The following LDAF1 variants were observed in gnomAD, a reference collection of about 807,000 sequenced individuals.
LDAF1 encodes the protein PROMETHIN.
In LDAF1, 7 loss-of-function variants were observed where a neutral mutation model predicts 13.5. The ratio of observed to expected loss-of-function variants is 0.52; its 90% CI spans 0.29 to 0.97. LDAF1 has a LOEUF of 0.97. LDAF1 is among the 50% of genes least tolerant of loss of function. The probability of loss-of-function intolerance (pLI) is 0.07; values close to 1 mark genes in which losing one functional copy is unlikely to be tolerated. For synonymous variants in LDAF1, 69 were observed against 77.1 expected, an observed-to-expected ratio of 0.89 and a Z score of 0.55; for missense variants, 148 against 193.2, an observed-to-expected ratio of 0.77 and a Z score of 1.39.
chr16:21,163,774 C>G (rs1597533048), intron 2 of LDAF1, among the ~76,000 whole-genome samples: 2 of 152,380 alleles, frequency 1.3e-5, no homozygotes, highest in South Asian at 4.1e-4. Context: ...TTTCTTGGCA[C>G]TGACTGTATG....
At chr16:21,168,637 ATATC>A (rs2093050210) in intron 2 of LDAF1, among the ~76,000 whole-genome samples, 1 of 141,326 alleles carries the variant, frequency 7.1e-6, no homozygotes, top group Non-Finnish European at 1.5e-5. Flanking sequence ...TTAGTATAAT[ATATC>A]TAATATAATT....
At chr16:21,166,444 T>A (rs542638807) in intron 2 of LDAF1, among the ~76,000 whole-genome samples, 1 of 152,248 alleles carries the variant, frequency 6.6e-6, no homozygotes, top group African/African-American at 2.4e-5. Context: ...CTTTAAAATT[T>A]AAATTAAATT....
At chr16:21,177,689 G>A (rs2093151915) in intron 4 of LDAF1, among the ~76,000 whole-genome samples, 1 of 144,592 alleles carries the variant, frequency 6.9e-6, no homozygotes, top group African/African-American at 2.6e-5. Context: ...CTTGATCTTG[G>A]TTCACACAAC....
Position 21,161,125 on chromosome 16 carries a change from A to G in LDAF1, c.-58A>G. 1.2e-6 allele frequency: 2 copies of G among 1,604,922 alleles called. No homozygotes were observed. Among genetic ancestry groups the G allele is most frequent in the Non-Finnish European group, 1.7e-6 (2 of 1,176,532 alleles). ...CATGAGAGATTGGACCGCGGGCTGC[A>G]CTGGAGAATTTACTGGTAGGATAAT... On this transcript the variant is annotated 5_prime_UTR_variant, in exon 2 of 5. Transcript: ENST00000233047.
At chr16:21,173,851 C>A (rs556356046) in intron 3 of LDAF1, among the ~76,000 whole-genome samples, 159 bp from the exon 4 acceptor site, 1 of 152,160 alleles carries the variant, frequency 6.6e-6, no homozygotes, top group Non-Finnish European at 1.5e-5. Flanking sequence ...ATATCGCCTC[C>A]TTTTTTTAAG....
intron 1 of LDAF1, among the ~76,000 whole-genome samples, chr16:21,160,552 A>C (rs7194423): frequency 0.21 from 31,652 of 152,090 alleles, 3,340 homozygotes; most frequent in South Asian, 0.26. Context: ...ACTGTTGTAC[A>C]AGGAAAGCTT....
intron 3 of LDAF1, among the ~76,000 whole-genome samples, chr16:21,173,657 G>A (rs1165282869): frequency 1.3e-5 from 2 of 152,016 alleles, no homozygotes; most frequent in African/African-American, 4.8e-5. Context: ...AGGTTGCAGT[G>A]AGCTGAGATT....
chr16:21,178,482 A>G (rs2093158456), intron 4 of LDAF1: 19 of 763,136 alleles, frequency 2.5e-5, no homozygotes, highest in Non-Finnish European at 3.0e-5. Flanking sequence ...ACTTTTTTTT[A>G]TTGCTTAATG....
chr16:21,162,801 C>T (rs2092989378), intron 2 of LDAF1, among the ~76,000 whole-genome samples: 1 of 152,184 alleles, frequency 6.6e-6, no homozygotes, highest in African/African-American at 2.4e-5. Flanking sequence ...GGTCCTCCTG[C>T]CTGTTCCACA....
chr16:21,179,675 C>T lies in LDAF1; in HGVS notation c.*119C>T. 1.2e-6 allele frequency: 1 copy of T among 803,454 alleles called. No individual in the cohort carries two copies. The highest frequency in any genetic ancestry group is 1.8e-5 in the South Asian group (1 of 56,222). 49.8% of individuals were successfully genotyped at this position (803,454 alleles called of 1,614,324 possible). On this transcript the variant is annotated 3_prime_UTR_variant, in exon 5 of 5. Transcript: ENST00000233047. The stretch of plus-strand genomic sequence containing the variant: ...AGCACTCCTTGGCTGTGTCCTCTCG[C>T]TTTTTCACTTACTTGTAGGATCCCG...
chr16:21,167,306 G>T (rs536346427), intron 2 of LDAF1, among the ~76,000 whole-genome samples: 1 of 152,234 alleles, frequency 6.6e-6, no homozygotes, highest in Non-Finnish European at 1.5e-5. Context: ...TCATCTGTTG[G>T]CCTGCAAGGC....
At chr16:21,172,438 C>T (rs547152023) in intron 3 of LDAF1, among the ~76,000 whole-genome samples, 3 of 151,666 alleles carry the variant, frequency 2.0e-5, no homozygotes, top group South Asian at 4.2e-4. Context: ...AAGAGTGAGA[C>T]TCTGTCTCAA....
rs368048830 is a variant in LDAF1 at position 21,180,227 on chromosome 16, C to CTTTTTTTTTTTTT, written c.*681_*693dup. 1 of 93,458 alleles carries CTTTTTTTTTTTTT rather than the reference C, an allele frequency of 1.1e-5. No individual in the cohort carries two copies. Among genetic ancestry groups the CTTTTTTTTTTTTT allele is most frequent in the Non-Finnish European group, 2.0e-5 (1 of 49,162 alleles). 5.8% of individuals were successfully genotyped at this position (93,458 alleles called of 1,614,324 possible). A position where few individuals can be genotyped will look rare whatever the true frequency, so the allele number is the denominator to read the frequency against. On this transcript the variant is annotated 3_prime_UTR_variant, in exon 5 of 5. Coordinates refer to ENST00000233047, the MANE Select transcript of LDAF1 (RefSeq NM_001301771.2). ...AGCTTGTCCTTTAAGTAATTTCTTT[C>CTTTTTTTTTTTTT]TTTTTTTTTTTTTTTTTTTTTTGTG...
chr16:21,167,692 G>GTTAGTTTTTTTTTTT (rs2093037157), intron 2 of LDAF1, among the ~76,000 whole-genome samples: 1 of 8,988 alleles, frequency 1.1e-4, no homozygotes, highest in African/African-American at 5.2e-4. Context: ...AAGACCTTAG[G>GTTAGTTTTTTTTTTT]TTTGTTTTTT....
intron 4 of LDAF1, among the ~76,000 whole-genome samples, chr16:21,175,023 G>A (rs1272457254): frequency 2.0e-5 from 3 of 152,136 alleles, no homozygotes; most frequent in Admixed American, 6.6e-5. Flanking sequence ...AAAGAACAGC[G>A]ATCTACTTAA....
At chr16:21,159,227 G>T in intron 1 of LDAF1, 1 of 1,085,040 alleles carries the variant, frequency 9.2e-7, no homozygotes, top group Non-Finnish European at 1.4e-6. Flanking sequence ...ATCAAAGGGG[G>T]CTTCTTTACC....
chr16:21,159,965 C>A (rs1597520563), intron 1 of LDAF1: 1 of 985,172 alleles, frequency 1.0e-6, no homozygotes. Flanking sequence ...GGGATTAGTC[C>A]CCTCCTCAAC....
intron 2 of LDAF1, chr16:21,169,069 T>C (rs1400332234): frequency 6.7e-6 from 3 of 450,624 alleles, no homozygotes; most frequent in African/African-American, 6.5e-5. Context: ...AGACAAGTGA[T>C]TAGCTTTTAA....
intron 2 of LDAF1, among the ~76,000 whole-genome samples, chr16:21,161,533 A>G (rs907499100): frequency 5.3e-5 from 8 of 152,180 alleles, no homozygotes; most frequent in African/African-American, 1.9e-4. Flanking sequence ...CAAGCCACCT[A>G]CAATTTAAGG....
Sources: gnomAD v4.1 joint callset for allele counts (sites outside exome capture counted in the v4.1 genomes callset) on GRCh38, gnomAD v4.1.1 for gene constraint, MANE v1.5 for transcripts, NCBI Gene and HGNC (gene_info 2026-07-23, HGNC 2026-07-21) for gene names.